The following HERC1 variants were observed in gnomAD, a reference collection of about 807,000 sequenced individuals.
HERC1 encodes the protein HECT and RLD domain containing E3 ubiquitin protein ligase family member 1.
A neutral mutation model predicts 554.3 loss-of-function variants in HERC1; 160 were observed. The observed-to-expected ratio is 0.29, with a 90% CI of 0.25 to 0.33. The LOEUF (loss-of-function observed/expected upper bound fraction) is 0.33. HERC1 is among the 10% of genes least tolerant of loss of function. The probability of loss-of-function intolerance (pLI) is 1.00; values close to 1 mark genes in which losing one functional copy is unlikely to be tolerated. For missense variants in HERC1, 4,919 were observed against 5,918.5 expected, an observed-to-expected ratio of 0.83 and a Z score of 5.54; for synonymous variants, 2,175 against 2,131.7, an observed-to-expected ratio of 1.02 and a Z score of -0.56.
At chr15:63,833,342 A>G (rs1194261065) in intron 1 of HERC1, among the ~76,000 whole-genome samples, 1 of 152,176 alleles carries the variant, frequency 6.6e-6, no homozygotes, top group African/African-American at 2.4e-5. Flanking sequence ...ACCCCGCTAA[A>G]GGCGGCCGGC....
chr15:63,679,799 G>A (rs2071386900), intron 36 of HERC1, among the ~76,000 whole-genome samples: 1 of 152,188 alleles, frequency 6.6e-6, no homozygotes, highest in Admixed American at 6.5e-5. Context: ...ATAATTGCCA[G>A]TGAATTAGAT....
At chr15:63,669,484 C>T (rs1474726422) in intron 40 of HERC1, 54 bp downstream of exon 40, 1 of 1,547,126 alleles carries the variant, frequency 6.5e-7, no homozygotes, top group Non-Finnish European at 8.9e-7. Context: ...TAATAAAGTC[C>T]CACACATCTG....
At chr15:63,679,167 T>C (rs370584422) in intron 36 of HERC1, among the ~76,000 whole-genome samples, 5 of 152,302 alleles carry the variant, frequency 3.3e-5, no homozygotes, top group East Asian at 3.9e-4. Context: ...CAGGCCATCA[T>C]TCGAACCAGA....
chr15:63,683,896 ATAAGC>A (rs1350627388), intron 34 of HERC1, among the ~76,000 whole-genome samples: 1 of 152,232 alleles, frequency 6.6e-6, no homozygotes, highest in Admixed American at 6.5e-5. Context: ...GGACCTGACT[ATAAGC>A]TAAAACCTGA....
At position 63,692,503 on chromosome 15, in the gene HERC1, C is replaced by G. The variant is rs772618323; in HGVS notation, c.5738G>C (p.Arg1913Thr). The G allele has an allele frequency of 1.2e-6, 2 of 1,613,480 alleles. No individual in the cohort carries two copies. Among genetic ancestry groups the G allele is most frequent in the Non-Finnish European group, 1.7e-6 (2 of 1,179,754 alleles). The change falls in exon 31 of 78, where the codon AGA (arginine) becomes ACA (threonine). Residue 1913 changes from arginine (R) to threonine (T), a missense_variant. Coordinates refer to ENST00000443617, the MANE Select transcript of HERC1 (RefSeq NM_003922.4). The surrounding 1 kb of genome is among the most constrained non-coding windows in gnomAD (Gnocchi z 4.7). ...HLGDFLVFLR[R>T]VVSSKAIQSK... The stretch of plus-strand genomic sequence containing the variant: ...TTGAATTGCTTTTGAAGATACAACT[C>G]TGCGAAGAAAAACTAAAAAATCCCC...
intron 25 of HERC1, among the ~76,000 whole-genome samples, chr15:63,704,061 A>T (rs181695266): frequency 6.6e-6 from 1 of 152,324 alleles, no homozygotes; most frequent in African/African-American, 2.4e-5. Context: ...CAACTGCCCA[A>T]CTGAAGATTT....
intron 7 of HERC1, among the ~76,000 whole-genome samples, chr15:63,753,424 T>C (rs548518186): frequency 2.0e-5 from 3 of 152,342 alleles, no homozygotes; most frequent in African/African-American, 7.2e-5. Context: ...ACAGGTACTA[T>C]ATGCGTATAA....
intron 10 of HERC1, among the ~76,000 whole-genome samples, chr15:63,748,835 A>C (rs988767476): frequency 6.6e-6 from 1 of 152,140 alleles, no homozygotes; most frequent in Non-Finnish European, 1.5e-5. Context: ...TTTAAAATTC[A>C]ATCTCCTAAT....
At chr15:63,736,589 T>C (rs1004722085) in intron 12 of HERC1, among the ~76,000 whole-genome samples, 1 of 149,572 alleles carries the variant, frequency 6.7e-6, no homozygotes, top group Non-Finnish European at 1.5e-5. Context: ...TTAGCATCCA[T>C]CAGTCTTTTA....
chr15:63,760,975 T>A (rs926908290), intron 3 of HERC1, among the ~76,000 whole-genome samples: 2 of 152,176 alleles, frequency 1.3e-5, no homozygotes, highest in Non-Finnish European at 2.9e-5. Flanking sequence ...AGATTACCTT[T>A]GGACTTTGAC....
chr15:63,788,095 TAA>T (rs2143899137), intron 1 of HERC1, among the ~76,000 whole-genome samples: 1 of 151,534 alleles, frequency 6.6e-6, no homozygotes, highest in Admixed American at 6.6e-5. Context: ...CTACAATACA[TAA>T]AGACATTTGT....
intron 1 of HERC1, among the ~76,000 whole-genome samples, chr15:63,804,712 C>T (rs1324888047): frequency 2.6e-5 from 4 of 151,936 alleles, no homozygotes; most frequent in Non-Finnish European, 4.4e-5. Flanking sequence ...TCCAATGAGA[C>T]GTGTATCAAG....
intron 68 of HERC1, among the ~76,000 whole-genome samples, chr15:63,631,120 A>C (rs755873428): frequency 1.3e-5 from 2 of 152,194 alleles, no homozygotes; most frequent in Non-Finnish European, 2.9e-5. Context: ...CTTGGACCAC[A>C]GGCACATGCC....
rs1457196726 is a variant in HERC1, at chr15:63,686,459, C to T, written c.6125G>A (p.Cys2042Tyr). 5 of 1,613,902 alleles carry T rather than the reference C, an allele frequency of 3.1e-6. No homozygotes were observed. Among genetic ancestry groups the T allele is most frequent in the Non-Finnish European group, 3.4e-6 (4 of 1,179,792 alleles). Residue 2042 changes from cysteine (C) to tyrosine (Y), a missense_variant, in exon 34 of 78, where the codon TGT becomes TAT. Around this residue, in one of 11 missense-constraint regions of HERC1, gnomAD observed 1,121 missense variants for 1,244.0 expected, o/e 0.90. Coordinates refer to ENST00000443617, the MANE Select transcript of HERC1 (RefSeq NM_003922.4). Reference protein sequence around the residue: ...EVSFDPEKAQCCLVENGQILT... With the variant: ...EVSFDPEKAQYCLVENGQILT... ...AATCTGTCCATTCTCCACTAGGCAA[C>T]ACTGAGCTTTCTCCGGGTCAAAGGA...
intron 34 of HERC1, among the ~76,000 whole-genome samples, chr15:63,682,694 G>C (rs1414958275): frequency 6.6e-6 from 1 of 152,162 alleles, no homozygotes; most frequent in African/African-American, 2.4e-5. Context: ...TGCTACAGCA[G>C]GTTCTCCCCC....
At position 63,734,652 on chromosome 15, in the gene HERC1, T is replaced by A; in HGVS notation, c.2646+72A>T. On this transcript the variant is annotated intron_variant, in intron 13 of 77. Transcript: ENST00000443617. The surrounding 1 kb of genome is among the most constrained non-coding windows in gnomAD (Gnocchi z 4.6). ...GCTCCAAGAACACATGGCAATTTAT[T>A]AGTTTTATTTCCTTCTCAGTCCAAA... 1 of 1,255,836 alleles carries A rather than the reference T, an allele frequency of 8.0e-7. No homozygotes were observed. Among genetic ancestry groups the A allele is most frequent in the South Asian group, 1.6e-5 (1 of 62,122 alleles). 77.8% of individuals were successfully genotyped at this position (1,255,836 alleles called of 1,614,324 possible). A position where few individuals can be genotyped will look rare whatever the true frequency, so the allele number is the denominator to read the frequency against.
At chr15:63,701,615 G>A (rs566562265) in intron 25 of HERC1, among the ~76,000 whole-genome samples, 20 of 152,124 alleles carry the variant, frequency 1.3e-4, no homozygotes, top group Non-Finnish European at 2.5e-4. Flanking sequence ...GGTCAGTCTT[G>A]GCCTCCTAGC....
At chr15:63,706,752 T>A (rs1177638464) in intron 25 of HERC1, 28 bp downstream of exon 25, 1 of 1,378,220 alleles carries the variant, frequency 7.3e-7, no homozygotes. Context: ...ACTAAGATAT[T>A]TACTATGTTC....
chr15:63,825,033 G>T (rs562282768), intron 1 of HERC1, among the ~76,000 whole-genome samples: 1 of 152,156 alleles, frequency 6.6e-6, no homozygotes, highest in Non-Finnish European at 1.5e-5. Flanking sequence ...GGCTGGGCAC[G>T]GTGGCTAATG....
Sources: allele counts gnomAD v4.1 joint callset (sites outside exome capture counted in the v4.1 genomes callset), GRCh38; gene constraint gnomAD v4.1.1; regional missense constraint gnomAD v4.1.1; non-coding constraint Gnocchi (gnomAD v3.1); transcripts MANE v1.5; gene names NCBI Gene and HGNC (gene_info 2026-07-23, HGNC 2026-07-21).